The following APP variants were observed in gnomAD, a reference collection of about 807,000 sequenced individuals.
The protein encoded by APP is amyloid beta precursor protein, also known as amyloid-beta precursor protein.
Under a neutral mutation model 101.4 loss-of-function variants are expected in APP, and 31 were observed. The observed-to-expected ratio is 0.31, with a 90% confidence interval of 0.23 to 0.41. The LOEUF is 0.41. Among genes scored for constraint, APP ranks in the 10% least tolerant of loss-of-function variants. The pLI, the probability that APP is intolerant of heterozygous loss-of-function variation, is 1.00. For missense variants in APP, 839 were observed against 1,003.7 expected, an observed-to-expected ratio of 0.84 and a Z score of 2.22; for synonymous variants, 366 against 364.4, an observed-to-expected ratio of 1.00 and a Z score of -0.05.
intron 6 of APP, among the ~76,000 whole-genome samples, chr21:26,006,018 G>A (rs2043516418): frequency 6.6e-6 from 1 of 152,096 alleles, no homozygotes; most frequent in Non-Finnish European, 1.5e-5. Flanking sequence ...TGCCTTCTTT[G>A]TTCTCTTCTC....
At chr21:25,916,904 A>G (rs1166970500) in intron 13 of APP, among the ~76,000 whole-genome samples, 1 of 152,208 alleles carries the variant, frequency 6.6e-6, no homozygotes, top group African/African-American at 2.4e-5. Flanking sequence ...GGCTTCATCA[A>G]TAACAGAGGT....
intron 11 of APP, among the ~76,000 whole-genome samples, chr21:25,963,088 A>ACAGGCGTGAGCCACCGCC (rs1251948192): frequency 2.0e-5 from 3 of 152,210 alleles, no homozygotes; most frequent in African/African-American, 7.2e-5. Flanking sequence ...TGCTGGGATT[A>ACAGGCGTGAGCCACCGCC]CAGGCGTGAG....
rs571874912 is a variant in APP at position 25,957,569 on chromosome 21, G to A, written c.1459-1814C>T. On this transcript the variant is annotated intron_variant, in intron 11 of 17. Coordinates refer to ENST00000346798, the MANE Select transcript of APP (RefSeq NM_000484.4). Reference sequence around the variant, plus strand: ...GAGACAGAAGGGGCTGTGACTAATCGCATTTAACCATGATGTTCCTTCCTG... The same window carrying A: ...GAGACAGAAGGGGCTGTGACTAATCACATTTAACCATGATGTTCCTTCCTG... Among the ~76,000 whole-genome samples the A allele has an allele frequency of 5.9e-5, 9 of 152,130 alleles. No homozygotes were observed. In the South Asian group the frequency reaches 1.0e-3, roughly 18 times the overall value.
intron 15 of APP, among the ~76,000 whole-genome samples, chr21:25,900,127 ACT>A (rs1031654284): frequency 1.1e-4 from 17 of 151,956 alleles, no homozygotes; most frequent in East Asian, 9.6e-4. Flanking sequence ...TGATGCTAAA[ACT>A]CTCTTAATTC....
intron 1 of APP, among the ~76,000 whole-genome samples, chr21:26,139,600 T>C (rs901987247): frequency 6.6e-6 from 1 of 152,162 alleles, no homozygotes; most frequent in Non-Finnish European, 1.5e-5. Flanking sequence ...AACATCTTAT[T>C]AATAAGAATT....
intron 5 of APP, among the ~76,000 whole-genome samples, chr21:26,028,598 T>C (rs567713046): frequency 5.3e-5 from 8 of 152,116 alleles, no homozygotes; most frequent in Non-Finnish European, 1.2e-4. Context: ...AATGGATAAA[T>C]ATTTGAGTTG....
At chr21:26,055,213 G>A (rs577937514) in intron 3 of APP, among the ~76,000 whole-genome samples, 4 of 152,118 alleles carry the variant, frequency 2.6e-5, no homozygotes, top group Non-Finnish European at 5.9e-5. Flanking sequence ...CACACCCCAT[G>A]CAGCTCCACA....
chr21:26,000,850 AAT>A (rs1358779630), intron 6 of APP, among the ~76,000 whole-genome samples: 6 of 151,536 alleles, frequency 4.0e-5, no homozygotes, highest in East Asian at 1.9e-4. Context: ...TGTATATTAA[AAT>A]ATGTATTTAT....
At chr21:25,931,741 C>T (rs1175163701) in intron 13 of APP, among the ~76,000 whole-genome samples, 1 of 152,122 alleles carries the variant, frequency 6.6e-6, no homozygotes, top group Non-Finnish European at 1.5e-5. Context: ...TAATTCTTGA[C>T]CTGAGTTTAA....
At chr21:26,098,906 G>A (rs181993398) in intron 2 of APP, among the ~76,000 whole-genome samples, 24 of 152,246 alleles carry the variant, frequency 1.6e-4, no homozygotes, top group African/African-American at 5.5e-4. Context: ...GCTGAAACCC[G>A]CATGTGTTTT....
chr21:25,944,336 A>G (rs1484535638), intron 13 of APP, among the ~76,000 whole-genome samples: 1 of 152,206 alleles, frequency 6.6e-6, no homozygotes, highest in Non-Finnish European at 1.5e-5. Flanking sequence ...CCAAGTCAAC[A>G]TTCCTTTGGA....
chr21:25,975,028 T>C (rs200971127), intron 11 of APP, 42 bp downstream of exon 11: 37 of 1,612,914 alleles, frequency 2.3e-5, no homozygotes, highest in Non-Finnish European at 3.1e-5. Context: ...TTACTGTCTG[T>C]GCTGTGACCT....
chr21:25,914,680 A>C (rs2039263317), intron 13 of APP, among the ~76,000 whole-genome samples: 1 of 150,092 alleles, frequency 6.7e-6, no homozygotes, highest in African/African-American at 2.5e-5. Context: ...CAGCCTCCCG[A>C]GTAGCTGGGA....
intron 1 of APP, among the ~76,000 whole-genome samples, chr21:26,138,662 C>A (rs1429200462): frequency 6.6e-6 from 1 of 152,014 alleles, no homozygotes; most frequent in Non-Finnish European, 1.5e-5. Context: ...CATGGCACTC[C>A]ATCCTGGGTG....
At chr21:26,127,013 G>A (rs2062699413) in intron 1 of APP, among the ~76,000 whole-genome samples, 1 of 151,886 alleles carries the variant, frequency 6.6e-6, no homozygotes, top group Admixed American at 6.6e-5. Context: ...AAGGTAGTTG[G>A]TGTATCAAAA....
intron 1 of APP, among the ~76,000 whole-genome samples, chr21:26,134,196 A>G (rs960461611): frequency 1.3e-5 from 2 of 152,158 alleles, no homozygotes; most frequent in African/African-American, 4.8e-5. Flanking sequence ...GGCTCATGAC[A>G]AGGAATACTG....
At chr21:25,910,332 A>T (rs533970311) in intron 14 of APP, among the ~76,000 whole-genome samples, 3 of 151,902 alleles carry the variant, frequency 2.0e-5, no homozygotes, top group African/African-American at 4.8e-5. Flanking sequence ...GGGTTTCACC[A>T]TGTTAGCCAG....
chr21:26,052,911 T>G (rs576749316), intron 4 of APP, among the ~76,000 whole-genome samples: 1 of 152,368 alleles, frequency 6.6e-6, no homozygotes, highest in African/African-American at 2.4e-5. Flanking sequence ...ACAACTTATA[T>G]TTTTAAGTTG....
chr21:26,118,416 T>C (rs997280415), intron 1 of APP, among the ~76,000 whole-genome samples: 3 of 152,224 alleles, frequency 2.0e-5, no homozygotes, highest in Non-Finnish European at 4.4e-5. Flanking sequence ...ATGTTTTCTT[T>C]TAACTTCATA....
Sources: allele counts gnomAD v4.1 joint callset (sites outside exome capture counted in the v4.1 genomes callset), GRCh38; gene constraint gnomAD v4.1.1; transcripts MANE v1.5; gene names NCBI Gene and HGNC (gene_info 2026-07-23, HGNC 2026-07-21).